The following SEZ6L variants were observed in gnomAD, a reference collection of about 807,000 sequenced individuals.
The protein encoded by SEZ6L is seizure 6-like protein.
A neutral mutation model predicts 106.2 loss-of-function variants in SEZ6L; 37 were observed. The observed-to-expected ratio is 0.35, with a 90% CI of 0.27 to 0.46. SEZ6L has a LOEUF of 0.46. Ranked by LOEUF, SEZ6L falls within the 20% of genes least tolerant of loss-of-function variation. SEZ6L has a pLI of 1.00. For synonymous variants in SEZ6L, 541 were observed against 570.4 expected (o/e 0.95, Z 0.73); for missense variants, 1,172 against 1,332.8 (o/e 0.88, Z 1.88).
chr22:26,240,478 G>T (rs2079091736), intron 1 of SEZ6L, among the ~76,000 whole-genome samples: 1 of 152,148 alleles, frequency 6.6e-6, no homozygotes, highest in African/African-American at 2.4e-5. Flanking sequence ...ATACTTGGTT[G>T]TTGGGAGGAC....
At chr22:26,293,754 G>A (rs980495629) in intron 2 of SEZ6L, among the ~76,000 whole-genome samples, 1 of 152,168 alleles carries the variant, frequency 6.6e-6, no homozygotes, top group Admixed American at 6.5e-5. Context: ...CATTTAACCT[G>A]CTTCAAAGCC....
chr22:26,287,057 CTT>C (rs71192909), intron 1 of SEZ6L, among the ~76,000 whole-genome samples: 7,803 of 141,438 alleles, frequency 0.055, 258 homozygotes, highest in Middle Eastern at 0.077. Flanking sequence ...CGAGCTTGTG[CTT>C]TTTTTTTTTT....
intron 5 of SEZ6L, among the ~76,000 whole-genome samples, chr22:26,300,533 T>C (rs373736123): frequency 2.0e-4 from 31 of 152,384 alleles, no homozygotes; most frequent in African/African-American, 6.3e-4. Flanking sequence ...ATGTGCCACA[T>C]TTTCTTAAAC....
At chr22:26,193,778 A>G (rs750029252) in intron 1 of SEZ6L, among the ~76,000 whole-genome samples, 1 of 152,182 alleles carries the variant, frequency 6.6e-6, no homozygotes, top group Non-Finnish European at 1.5e-5. Flanking sequence ...CTATTGGACC[A>G]AATTCTTCCA....
At chr22:26,313,600 ACACGC>A (rs2081909825) in intron 8 of SEZ6L, among the ~76,000 whole-genome samples, 159 bp from the exon 9 acceptor site, 5 of 62,428 alleles carry the variant, frequency 8.0e-5, no homozygotes, top group Admixed American at 3.3e-4. Flanking sequence ...ACACACACAC[ACACGC>A]ACACACACAC....
chr22:26,260,942 G>A (rs777857282), intron 1 of SEZ6L, among the ~76,000 whole-genome samples: 32 of 152,114 alleles, frequency 2.1e-4, no homozygotes, highest in Non-Finnish European at 4.0e-4. Context: ...GAGTAAGATG[G>A]TATTGCATTG....
intron 3 of SEZ6L, among the ~76,000 whole-genome samples, chr22:26,295,687 C>G (rs970810113): frequency 6.6e-6 from 1 of 152,156 alleles, no homozygotes. Flanking sequence ...TGTGTGGAGC[C>G]TTTTACCAGG....
intron 1 of SEZ6L, among the ~76,000 whole-genome samples, chr22:26,279,649 T>C (rs1008711240): frequency 1.3e-5 from 2 of 152,188 alleles, no homozygotes; most frequent in Admixed American, 6.5e-5. Flanking sequence ...GCCAGGGCAC[T>C]TGGTCTTGTG....
chr22:26,344,452 A>T (rs2145998275), intron 10 of SEZ6L, among the ~76,000 whole-genome samples: 1 of 152,264 alleles, frequency 6.6e-6, no homozygotes, highest in South Asian at 2.1e-4. Context: ...TTGTAAGTCA[A>T]CTCCAATCAA....
intron 1 of SEZ6L, among the ~76,000 whole-genome samples, chr22:26,261,575 G>A (rs1402261435): frequency 6.6e-6 from 1 of 152,132 alleles, no homozygotes; most frequent in Non-Finnish European, 1.5e-5. Context: ...GAAACAGAGG[G>A]TATAGAGATG....
Position 26,304,288 on chromosome 22 carries a change from G to T in SEZ6L, c.1349-1691G>T, listed in dbSNP as rs185105713. ...AATCACTTGAACCTGGGAGGCAGAG[G>T]TTGCAGTGAGCTGAGATCGTGCCAT... On this transcript the variant is annotated intron_variant, in intron 5 of 16. Coordinates refer to ENST00000248933, the MANE Select transcript of SEZ6L (RefSeq NM_021115.5). Among the ~76,000 whole-genome samples, 5 of 151,490 alleles carry T rather than the reference G, an allele frequency of 3.3e-5. No homozygotes were observed. The East Asian group carries it at 7.8e-4, about 24-fold the overall frequency.
chr22:26,194,050 TGGA>T (rs1940422853), intron 1 of SEZ6L, among the ~76,000 whole-genome samples: 1 of 152,196 alleles, frequency 6.6e-6, no homozygotes, highest in South Asian at 2.1e-4. Flanking sequence ...GGAGGCTTCC[TGGA>T]GGAGATGATC....
intron 5 of SEZ6L, among the ~76,000 whole-genome samples, chr22:26,300,135 G>A (rs1033740159): frequency 4.0e-5 from 6 of 148,814 alleles, no homozygotes; most frequent in African/African-American, 1.0e-4. Flanking sequence ...TTGGGGAGAT[G>A]TCTAGTCAGG....
intron 1 of SEZ6L, among the ~76,000 whole-genome samples, chr22:26,174,815 A>G (rs1368626005): frequency 1.2e-4 from 19 of 152,180 alleles, no homozygotes. Context: ...AGAACATGGC[A>G]AGGACTGAGT....
intron 1 of SEZ6L, among the ~76,000 whole-genome samples, chr22:26,225,483 A>G (rs1376645785): frequency 6.6e-6 from 1 of 152,206 alleles, no homozygotes; most frequent in African/African-American, 2.4e-5. Flanking sequence ...AGCTGAACAC[A>G]TAGAAGGGAA....
intron 9 of SEZ6L, among the ~76,000 whole-genome samples, chr22:26,316,701 G>T (rs966608365): frequency 6.6e-6 from 1 of 151,856 alleles, no homozygotes; most frequent in Non-Finnish European, 1.5e-5. Context: ...GCGTGGTGGT[G>T]GGTGCCTGTA....
chr22:26,324,233 A>G (rs73158635), intron 9 of SEZ6L, among the ~76,000 whole-genome samples: 10 of 152,056 alleles, frequency 6.6e-5, no homozygotes, highest in Admixed American at 5.9e-4. Flanking sequence ...TACTGCGAAC[A>G]TACATCCATC....
chr22:26,263,003 C>A (rs1261641118), intron 1 of SEZ6L, among the ~76,000 whole-genome samples: 1 of 152,194 alleles, frequency 6.6e-6, no homozygotes, highest in African/African-American at 2.4e-5. Flanking sequence ...ACCATTCAGT[C>A]TCAGAATTAA....
chr22:26,306,196 A>G (rs776664158), intron 6 of SEZ6L, 52 bp downstream of exon 6: 108 of 1,587,594 alleles, frequency 6.8e-5, no homozygotes, highest in Admixed American at 1.9e-4. Context: ...GAATATTAGA[A>G]CATGGCTTGA....
Sources: gnomAD v4.1 joint callset for allele counts (sites outside exome capture counted in the v4.1 genomes callset) on GRCh38, gnomAD v4.1.1 for gene constraint, MANE v1.5 for transcripts, NCBI Gene and HGNC (gene_info 2026-07-23, HGNC 2026-07-21) for gene names.